The following SGCD variants were observed in gnomAD, a reference collection of about 807,000 sequenced individuals.
The protein encoded by SGCD is delta-sarcoglycan.
Under a neutral mutation model 36.6 loss-of-function variants are expected in SGCD, and 18 were observed. The observed-to-expected ratio is 0.49, with a 90% CI of 0.34 to 0.73. The LOEUF (loss-of-function observed/expected upper bound fraction) is 0.73, where lower values mean the gene tolerates loss of function less well. Among genes scored for constraint, SGCD ranks in the 30% least tolerant of loss-of-function variants. The pLI is 0.01. For synonymous variants in SGCD, 133 were observed against 130.6 expected, an observed-to-expected ratio of 1.02 and a Z score of -0.12; for missense variants, 387 against 346.7, an observed-to-expected ratio of 1.12 and a Z score of -0.92.
At chr5:156,426,918 C>A (rs1161436394) in intron 3 of SGCD, among the ~76,000 whole-genome samples, 3 of 152,050 alleles carry the variant, frequency 2.0e-5, no homozygotes, top group Non-Finnish European at 4.4e-5. Context: ...ATTTTTATAC[C>A]AGTACCATGC....
the SGCD span, among the ~76,000 whole-genome samples, chr5:155,734,021 T>C: frequency 6.6e-6 from 1 of 150,810 alleles, no homozygotes; most frequent in Admixed American, 6.6e-5. Flanking sequence ...TTAAGCAATT[T>C]GGCCAGTTCA....
chr5:156,249,638 T>G (rs1029948764), intron 3 of SGCD, among the ~76,000 whole-genome samples: 4 of 152,148 alleles, frequency 2.6e-5, no homozygotes, highest in African/African-American at 4.8e-5. Flanking sequence ...TTAGGCAAAT[T>G]GTTTTCTCTT....
rs58745098 is a variant in SGCD at position 156,204,473 on chromosome 5, TACACACACAC to T, written c.-44+80476_-44+80485del. Among the ~76,000 whole-genome samples, 1,035 of 147,494 alleles carry T rather than the reference TACACACACAC, an allele frequency of 7.0e-3. 11 individuals carry two copies. Among genetic ancestry groups the T allele is most frequent in the African/African-American group, 0.024 (975 of 40,192 alleles). On this transcript the variant is annotated intron_variant, in intron 3 of 9. Coordinates refer to the SGCD transcript ENST00000517913. ...TTAACTAGTTTAGCCAACACACTCA[TACACACACAC>T]ACACACACACACACACACACAATAT...
chr5:156,080,592 G>A (rs558637640), intron 1 of SGCD, among the ~76,000 whole-genome samples: 2 of 152,292 alleles, frequency 1.3e-5, no homozygotes, highest in African/African-American at 4.8e-5. Context: ...ATGCTTTGCT[G>A]CTTAGAAATT....
At chr5:156,012,612 TA>T (rs1758882739) in intron 1 of SGCD, among the ~76,000 whole-genome samples, 1 of 110,948 alleles carries the variant, frequency 9.0e-6, no homozygotes, top group South Asian at 3.0e-4. Flanking sequence ...TGCACAGAGA[TA>T]ATTTTTTTTT....
intron 1 of SGCD, among the ~76,000 whole-genome samples, chr5:156,019,599 A>G (rs1171831237): frequency 1.3e-5 from 2 of 152,206 alleles, no homozygotes. Context: ...GACTCCATTC[A>G]TGTGACTTAT....
intron 2 of SGCD, among the ~76,000 whole-genome samples, chr5:156,340,375 C>T (rs959195099): frequency 3.3e-5 from 5 of 152,164 alleles, no homozygotes; most frequent in Admixed American, 1.3e-4. Flanking sequence ...TCCTTTGGTC[C>T]TCTTCCTTCA....
chr5:156,500,967 C>A (rs566978953), intron 3 of SGCD, among the ~76,000 whole-genome samples: 3 of 152,304 alleles, frequency 2.0e-5, no homozygotes, highest in Admixed American at 2.0e-4. Context: ...TCTGGGAGCA[C>A]TGATCACTGC....
At chr5:155,977,078 C>G (rs1758130421) in intron 1 of SGCD, among the ~76,000 whole-genome samples, 1 of 152,220 alleles carries the variant, frequency 6.6e-6, no homozygotes, top group African/African-American at 2.4e-5. Flanking sequence ...AACACATCCT[C>G]TTTGCTTTCC....
In SGCD at chr5:156,558,088, AATATATATAT is replaced by A. The variant is rs67339181; in HGVS notation, c.295-31116_295-31107del. 7.9e-3 allele frequency among the ~76,000 whole-genome samples: 753 copies of A among 95,562 alleles called. 11 individuals carry two copies. The highest frequency in any genetic ancestry group is 0.017 in the African/African-American group (422 of 25,340). 62.7% of individuals were successfully genotyped at this position (95,562 alleles called of 152,430 possible). On this transcript the variant is annotated intron_variant, in intron 4 of 8. Transcript: ENST00000337851. ...ACTGAGTGTGTTATTAGTAAATACA[AATATATATAT>A]ATATATATATATATATATATATATA...
At chr5:155,786,921 G>A in the SGCD span, among the ~76,000 whole-genome samples, 2 of 152,148 alleles carry the variant, frequency 1.3e-5, no homozygotes, top group African/African-American at 2.4e-5. Flanking sequence ...GAACATTAGC[G>A]ATTGGAGCTA....
chr5:156,428,306 T>C (rs1485913717), intron 3 of SGCD, among the ~76,000 whole-genome samples: 1 of 152,136 alleles, frequency 6.6e-6, no homozygotes, highest in East Asian at 1.9e-4. Flanking sequence ...TCTCCTCTAG[T>C]GTTTCTAGTT....
rs186554422 is a variant in SGCD, at chr5:156,203,630, C to T, written c.-44+79611C>T. On this transcript the variant is annotated intron_variant, in intron 3 of 9. Transcript: ENST00000517913. ...ATAAAGATGGATCATCATCTGTATT[C>T]GTGTCTGATTTGTAAAGTCCCTCAA... is the stretch of plus-strand genomic sequence containing the variant. Among the ~76,000 whole-genome samples, 6 of 152,228 alleles carry T rather than the reference C, an allele frequency of 3.9e-5. No homozygotes were observed. The East Asian group carries it at 9.6e-4, about 24-fold the overall frequency.
intron 7 of SGCD, among the ~76,000 whole-genome samples, chr5:156,732,308 T>TGAATGGATGTTGAATTTTATCAAAA (rs1756121044): frequency 6.6e-6 from 1 of 151,930 alleles, no homozygotes; most frequent in Non-Finnish European, 1.5e-5. Context: ...GTTTTTAACA[T>TGAATGGATGTTGAATTTTATCAAAA]GAATGGATGT....
chr5:156,608,439 T>C (rs1263691447), intron 6 of SGCD, among the ~76,000 whole-genome samples: 1 of 152,216 alleles, frequency 6.6e-6, no homozygotes, highest in Non-Finnish European at 1.5e-5. Context: ...TCTTTTACAT[T>C]TGCTGAGGAG....
At position 156,760,528 on chromosome 5, in the gene SGCD, A is replaced by G. The variant is rs1757481670; in HGVS notation, c.*1138A>G. 1 of 152,538 alleles carries G rather than the reference A, an allele frequency of 6.6e-6. No homozygotes were observed. Among genetic ancestry groups the G allele is most frequent in the South Asian group, 2.1e-4 (1 of 4,824 alleles). The allele number at this position is 152,538 out of a possible 1,614,324, so 9.4% of individuals were successfully genotyped here. A position where few individuals can be genotyped will look rare whatever the true frequency, so the allele number is the denominator to read the frequency against. The stretch of plus-strand genomic sequence containing the variant: ...GGATATTCATATTCCTAAAGCCACT[A>G]TTGTGTTTTCTCTAAGAAGCACTAC... On this transcript the variant is annotated 3_prime_UTR_variant, in exon 9 of 9. Coordinates refer to ENST00000337851, the MANE Select transcript of SGCD (RefSeq NM_000337.6).
chr5:156,568,965 G>T (rs1434034535), intron 4 of SGCD, among the ~76,000 whole-genome samples: 1 of 152,094 alleles, frequency 6.6e-6, no homozygotes, highest in Non-Finnish European at 1.5e-5. Context: ...AGAATTCATG[G>T]CCATACAGTA....
upstream of SGCD, among the ~76,000 whole-genome samples, chr5:155,866,434 T>C (rs73299493): frequency 0.029 from 4,442 of 152,280 alleles, 227 homozygotes; most frequent in African/African-American, 0.1. Flanking sequence ...AATGGTTTTG[T>C]TGTTCCAGAC....
intron 3 of SGCD, among the ~76,000 whole-genome samples, chr5:156,142,617 A>G (rs1762607523): frequency 6.6e-6 from 1 of 152,212 alleles, no homozygotes; most frequent in South Asian, 2.1e-4. Context: ...AGAAAAGGTC[A>G]CTTTTGCTAT....
Sources: gnomAD v4.1 joint callset for allele counts (sites outside exome capture counted in the v4.1 genomes callset) on GRCh38, gnomAD v4.1.1 for gene constraint, MANE v1.5 for transcripts, NCBI Gene and HGNC (gene_info 2026-07-23, HGNC 2026-07-21) for gene names.